Variants in ZNF704 observed in about 807,000 individuals in gnomAD.
The protein encoded by ZNF704 is glucocorticoid induced gene 1.
ZNF704 carries 10 observed loss-of-function variants against 44.7 expected under a neutral mutation model. That is an observed-to-expected ratio of 0.22 (90% CI 0.14 to 0.38). The LOEUF is 0.38. Ranked by LOEUF, ZNF704 falls within the 10% of genes least tolerant of loss-of-function variation. The probability of loss-of-function intolerance (pLI) is 1.00; values close to 1 mark genes in which losing one functional copy is unlikely to be tolerated. For missense variants in ZNF704, 390 were observed against 545.5 expected, an observed-to-expected ratio of 0.71 and a Z score of 2.84; for synonymous variants, 211 against 207.6, an observed-to-expected ratio of 1.02 and a Z score of -0.14.
At chr8:80,815,174 C>G (rs1808156467) in intron 2 of ZNF704, among the ~76,000 whole-genome samples, 1 of 152,150 alleles carries the variant, frequency 6.6e-6, no homozygotes, top group Admixed American at 6.5e-5. Context: ...AATATGACAT[C>G]ACTGTATTTT....
At chr8:80,856,664 A>G (rs1428762264) in intron 1 of ZNF704, among the ~76,000 whole-genome samples, 1 of 152,158 alleles carries the variant, frequency 6.6e-6, no homozygotes, top group Non-Finnish European at 1.5e-5. Context: ...GCCTTTGTCA[A>G]ACCATTTCTG....
intron 7 of ZNF704, among the ~76,000 whole-genome samples, chr8:80,651,047 GTT>G: frequency 2.0e-5 from 3 of 152,026 alleles, no homozygotes; most frequent in African/African-American, 4.8e-5. Context: ...CAACCCAGAA[GTT>G]CATATTCAGC....
chr8:80,788,614 T>C (rs1049548152), intron 2 of ZNF704, among the ~76,000 whole-genome samples: 3 of 152,156 alleles, frequency 2.0e-5, no homozygotes, highest in Non-Finnish European at 2.9e-5. Flanking sequence ...AAGTGTGCTG[T>C]TGGAAACTGT....
chr8:80,846,532 T>C (rs1808770752), intron 1 of ZNF704, among the ~76,000 whole-genome samples: 1 of 152,150 alleles, frequency 6.6e-6, no homozygotes, highest in Admixed American at 6.6e-5. Flanking sequence ...CAAGCAACAG[T>C]CTTCCATGGA....
chr8:80,867,332 G>A (rs969246010), intron 1 of ZNF704, among the ~76,000 whole-genome samples: 15 of 152,152 alleles, frequency 9.9e-5, no homozygotes, highest in Admixed American at 7.2e-4. Context: ...GCAGTAAGTA[G>A]TAGACCACTT....
rs1341684780 is a variant in ZNF704, at chr8:80,640,118, T to A, written c.*1248A>T. Reference sequence around the variant, plus strand: ...TACATGCATTTTCCTTTTGGCGTTATGTTCCCTTTTGAGCAAATTCTTAAA... The same window carrying A: ...TACATGCATTTTCCTTTTGGCGTTAAGTTCCCTTTTGAGCAAATTCTTAAA... On this transcript the variant is annotated 3_prime_UTR_variant, in exon 9 of 9. Transcript: ENST00000327835. 1 of 152,688 alleles carries A rather than the reference T, an allele frequency of 6.5e-6. No individual in the cohort carries two copies. The highest frequency in any genetic ancestry group is 1.5e-5 in the Non-Finnish European group (1 of 68,050). The allele number at this position is 152,688 out of a possible 1,614,324, so 9.5% of individuals were successfully genotyped here. A position where few individuals can be genotyped will look rare whatever the true frequency, so the allele number is the denominator to read the frequency against.
At chr8:80,678,012 G>A (rs1315366942) in intron 4 of ZNF704, among the ~76,000 whole-genome samples, 1 of 152,148 alleles carries the variant, frequency 6.6e-6, no homozygotes, top group Non-Finnish European at 1.5e-5. Flanking sequence ...TTATAAGATG[G>A]TTTTCTCTTC....
At chr8:80,771,955 C>T (rs57668074) in intron 2 of ZNF704, among the ~76,000 whole-genome samples, 7,040 of 152,196 alleles carry the variant, frequency 0.046, 580 homozygotes, top group African/African-American at 0.16. Context: ...GATGTTTCTT[C>T]TTTAGCCTAT....
At chr8:80,686,953 T>C (rs1014107414) in intron 4 of ZNF704, among the ~76,000 whole-genome samples, 3 of 152,192 alleles carry the variant, frequency 2.0e-5, no homozygotes, top group Non-Finnish European at 4.4e-5. Flanking sequence ...AACTTACAAA[T>C]ACTGGTAAGT....
the ZNF704 span, among the ~76,000 whole-genome samples, chr8:80,881,674 T>G: frequency 6.6e-6 from 1 of 152,158 alleles, no homozygotes; most frequent in African/African-American, 2.4e-5. Flanking sequence ...ATGCCTGTAA[T>G]CCCAGCACTT....
chr8:80,748,723 G>C (rs1806889798), intron 2 of ZNF704, among the ~76,000 whole-genome samples: 1 of 152,142 alleles, frequency 6.6e-6, no homozygotes. Context: ...CAGAAAGATT[G>C]GTGAGGGGAA....
chr8:80,826,505 G>C (rs1808378743), intron 1 of ZNF704, among the ~76,000 whole-genome samples: 1 of 152,134 alleles, frequency 6.6e-6, no homozygotes, highest in South Asian at 2.1e-4. Flanking sequence ...ACAAAGAGGA[G>C]CTGGTACCAT....
intron 2 of ZNF704, among the ~76,000 whole-genome samples, chr8:80,704,387 T>C (rs73273027): frequency 6.6e-6 from 1 of 152,088 alleles, no homozygotes; most frequent in Non-Finnish European, 1.5e-5. Flanking sequence ...TATTGTGAAA[T>C]AGATATTTTG....
chr8:80,859,937 T>C lies in ZNF704; in HGVS notation c.-22+14634A>G, dbSNP rs541030646. ...GAACCAAACCTTTAATCCTAGGTCA[T>C]TGGCTCACTTTTCACACAAGAGTCA... On this transcript the variant is annotated intron_variant, in intron 1 of 8. Coordinates refer to ENST00000327835, the MANE Select transcript of ZNF704 (RefSeq NM_001033723.3). 1.3e-4 allele frequency among the ~76,000 whole-genome samples: 20 copies of C among 152,332 alleles called. No homozygotes were observed. The South Asian group carries it at 3.7e-3, about 28-fold the overall frequency.
intron 7 of ZNF704, among the ~76,000 whole-genome samples, chr8:80,646,139 T>G (rs1817830273): frequency 6.6e-6 from 1 of 152,188 alleles, no homozygotes; most frequent in Non-Finnish European, 1.5e-5. Context: ...GATTACCCAG[T>G]CTAAGGTATT....
In ZNF704 at chr8:80,734,505, G is replaced by A. The variant is rs140287687; in HGVS notation, c.222-41398C>T. On this transcript the variant is annotated intron_variant, in intron 2 of 8. Coordinates refer to ENST00000327835, the MANE Select transcript of ZNF704 (RefSeq NM_001033723.3). ...AGTATAATACTGAACAAGATAAACT[G>A]GAACTTAAAAATTCAGATAATTTTC... Among the ~76,000 whole-genome samples, 33 of 152,178 alleles carry A rather than the reference G, an allele frequency of 2.2e-4. No individual in the cohort carries two copies. The East Asian group carries it at 6.0e-3, about 28-fold the overall frequency.
intron 3 of ZNF704, among the ~76,000 whole-genome samples, chr8:80,691,976 T>C (rs1402649821): frequency 6.6e-6 from 1 of 152,206 alleles, no homozygotes; most frequent in Admixed American, 6.5e-5. Context: ...ATTCTTCACA[T>C]TTCTCGATTA....
chr8:80,872,600 T>C (rs1472681224), intron 1 of ZNF704, among the ~76,000 whole-genome samples: 1 of 152,220 alleles, frequency 6.6e-6, no homozygotes, highest in East Asian at 1.9e-4. Flanking sequence ...CTCCATTGCT[T>C]ACCACTTGCT....
chr8:80,670,290 CT>C (rs1428148892), intron 5 of ZNF704, among the ~76,000 whole-genome samples: 1 of 152,220 alleles, frequency 6.6e-6, no homozygotes, highest in African/African-American at 2.4e-5. Flanking sequence ...AGTAAGTGAA[CT>C]AATGAGGCTC....
Sources: gnomAD v4.1 joint callset for allele counts (sites outside exome capture counted in the v4.1 genomes callset) on GRCh38, gnomAD v4.1.1 for gene constraint, MANE v1.5 for transcripts, NCBI Gene and HGNC (gene_info 2026-07-23, HGNC 2026-07-21) for gene names.